The following MALRD1 variants were observed in gnomAD, a reference collection of about 807,000 sequenced individuals.
MALRD1 encodes the protein MAM and LDL receptor class A domain containing 1, also known as MAM and LDL-receptor class A domain-containing protein 1.
A neutral mutation model predicts 242.1 loss-of-function variants in MALRD1; 247 were observed. The observed-to-expected ratio is 1.02, with a 90% CI of 0.92 to 1.13. The LOEUF is 1.13. MALRD1 is among the 50% of genes most tolerant of loss of function. MALRD1 has a pLI of 0.00. For synonymous variants in MALRD1, 995 were observed against 866.6 expected, an observed-to-expected ratio of 1.15 and a Z score of -2.60; for missense variants, 2,989 against 2,533.1, an observed-to-expected ratio of 1.18 and a Z score of -3.86.
At chr10:19,176,691 T>A (rs922006863) in intron 14 of MALRD1, among the ~76,000 whole-genome samples, 3 of 152,038 alleles carry the variant, frequency 2.0e-5, no homozygotes, top group Non-Finnish European at 4.4e-5. Context: ...CTAATTTATA[T>A]TGGGTTAACG....
chr10:19,287,609 A>AT, intron 21 of MALRD1, among the ~76,000 whole-genome samples: 1 of 152,212 alleles, frequency 6.6e-6, no homozygotes, highest in Admixed American at 6.5e-5. Context: ...TGCAAAATCA[A>AT]TTTGCATTCC....
At chr10:19,668,410 G>C (rs146356966) in intron 36 of MALRD1, among the ~76,000 whole-genome samples, 7 of 152,190 alleles carry the variant, frequency 4.6e-5, no homozygotes, top group Admixed American at 1.3e-4. Flanking sequence ...TAGCCCTTCA[G>C]TCACCCAATC....
At chr10:19,216,618 T>C (rs1837325129) in intron 18 of MALRD1, among the ~76,000 whole-genome samples, 1 of 152,118 alleles carries the variant, frequency 6.6e-6, no homozygotes, top group South Asian at 2.1e-4. Flanking sequence ...TAATATTTAT[T>C]TTCATCCCCA....
At chr10:19,707,225 CCTT>C (rs1398735738) in intron 38 of MALRD1, among the ~76,000 whole-genome samples, 3 of 151,352 alleles carry the variant, frequency 2.0e-5, no homozygotes, top group Non-Finnish European at 1.5e-5. Context: ...TTCTTCTTCT[CCTT>C]CTCCTCCTTC....
At chr10:19,563,943 G>A (rs899904099) in intron 32 of MALRD1, among the ~76,000 whole-genome samples, 3 of 152,082 alleles carry the variant, frequency 2.0e-5, no homozygotes, top group African/African-American at 4.8e-5. Context: ...GCCCGCCTCC[G>A]GCACTGTCTC....
chr10:19,292,080 C>CAAAAAAAAAAAAAAAAAAAAAAA (rs756211363), intron 21 of MALRD1, among the ~76,000 whole-genome samples: 1 of 88,036 alleles, frequency 1.1e-5, no homozygotes, highest in Non-Finnish European at 2.2e-5. Context: ...AAGACCGTCT[C>CAAAAAAAAAAAAAAAAAAAAAAA]AAAAAAAAAA....
intron 5 of MALRD1, among the ~76,000 whole-genome samples, chr10:19,115,559 A>C (rs533869761): frequency 1.3e-5 from 2 of 152,278 alleles, no homozygotes; most frequent in South Asian, 4.2e-4. Flanking sequence ...TTCTGAGATG[A>C]GGAAGTTTAT....
At chr10:19,152,800 T>C (rs188512230) in intron 11 of MALRD1, among the ~76,000 whole-genome samples, 1 of 152,226 alleles carries the variant, frequency 6.6e-6, no homozygotes, top group African/African-American at 2.4e-5. Context: ...TTCTATAATG[T>C]CTACTAGATA....
intron 29 of MALRD1, among the ~76,000 whole-genome samples, chr10:19,454,385 GA>G (rs1784038777): frequency 9.8e-6 from 1 of 101,908 alleles, no homozygotes; most frequent in African/African-American, 4.1e-5. Flanking sequence ...TAGAAATGAG[GA>G]AAGGTAGATT....
At chr10:19,617,949 T>C (rs530402992) in intron 36 of MALRD1, among the ~76,000 whole-genome samples, 1 of 152,190 alleles carries the variant, frequency 6.6e-6, no homozygotes, top group Admixed American at 6.6e-5. Flanking sequence ...TAGTACTCAT[T>C]TTTTATTTTG....
At chr10:19,255,135 C>G (rs1000984940) in intron 18 of MALRD1, among the ~76,000 whole-genome samples, 1 of 151,968 alleles carries the variant, frequency 6.6e-6, no homozygotes, top group African/African-American at 2.4e-5. Flanking sequence ...TGGTTTACTT[C>G]ATAACATTTC....
chr10:19,113,725 G>T (rs118131033), intron 5 of MALRD1, among the ~76,000 whole-genome samples: 1 of 150,756 alleles, frequency 6.6e-6, no homozygotes, highest in Non-Finnish European at 1.5e-5. Flanking sequence ...TTTCTTGTGA[G>T]TTGAGGTTTC....
intron 36 of MALRD1, 115 bp from the exon 37 acceptor site, chr10:19,692,167 A>G (rs1228016691): frequency 2.5e-6 from 2 of 795,704 alleles, no homozygotes; most frequent in Non-Finnish European, 3.7e-6. Context: ...AAAGTTATCC[A>G]TGTTCCTAGT....
At chr10:19,584,110 T>C (rs1158890975) in intron 33 of MALRD1, among the ~76,000 whole-genome samples, 2 of 150,970 alleles carry the variant, frequency 1.3e-5, no homozygotes, top group East Asian at 3.9e-4. Flanking sequence ...TTGATTCTTC[T>C]CTCTTTTTTT....
At chr10:19,341,709 G>T (rs561877773) in intron 24 of MALRD1, among the ~76,000 whole-genome samples, 1 of 151,634 alleles carries the variant, frequency 6.6e-6, no homozygotes, top group Non-Finnish European at 1.5e-5. Context: ...TTCTCATTGA[G>T]AAATTAATAT....
chr10:19,223,719 C>A (rs1418482596), intron 18 of MALRD1, among the ~76,000 whole-genome samples: 1 of 152,138 alleles, frequency 6.6e-6, no homozygotes, highest in Non-Finnish European at 1.5e-5. Flanking sequence ...CACTGACAGG[C>A]CCCAGTGTGT....
At chr10:19,381,889 G>A (rs1845853716) in intron 26 of MALRD1, among the ~76,000 whole-genome samples, 1 of 151,734 alleles carries the variant, frequency 6.6e-6, no homozygotes, top group Admixed American at 6.6e-5. Context: ...AGAACAAAAA[G>A]CAACATGAGA....
intron 36 of MALRD1, among the ~76,000 whole-genome samples, chr10:19,620,481 G>A (rs933082892): frequency 4.6e-5 from 7 of 151,938 alleles, no homozygotes; most frequent in African/African-American, 7.2e-5. Context: ...TTACATTTTC[G>A]ATGTCTACAT....
At chr10:19,261,781 C>T (rs1404262516) in intron 19 of MALRD1, among the ~76,000 whole-genome samples, 2 of 151,902 alleles carry the variant, frequency 1.3e-5, no homozygotes, top group South Asian at 4.2e-4. Flanking sequence ...CAACCTTTTC[C>T]CCTCGTGCCT....
Sources: gnomAD v4.1 joint callset for allele counts (sites outside exome capture counted in the v4.1 genomes callset) on GRCh38, gnomAD v4.1.1 for gene constraint, MANE v1.5 for transcripts, NCBI Gene and HGNC (gene_info 2026-07-23, HGNC 2026-07-21) for gene names.